The following HS6ST1 variants were observed in gnomAD, a reference collection of about 807,000 sequenced individuals.
The protein encoded by HS6ST1 is heparan-sulfate 6-O-sulfotransferase 1.
HS6ST1 carries 3 observed loss-of-function variants against 25.2 expected under a neutral mutation model. The observed-to-expected ratio is 0.12, with a 90% confidence interval of 0.05 to 0.31. The LOEUF (loss-of-function observed/expected upper bound fraction) is 0.31. Among genes scored for constraint, HS6ST1 ranks in the 10% least tolerant of loss-of-function variants. The pLI, the probability that HS6ST1 is intolerant of heterozygous loss-of-function variation, is 1.00. For missense variants in HS6ST1, 310 were observed against 609.6 expected (o/e 0.51, Z 5.18); for synonymous variants, 204 against 275.1 (o/e 0.74, Z 2.56).
chr2:128,270,973 CA>C (rs1206515192), intron 1 of HS6ST1, among the ~76,000 whole-genome samples: 6 of 152,226 alleles, frequency 3.9e-5, no homozygotes, highest in Admixed American at 3.9e-4. Flanking sequence ...TTCAGCGCCC[CA>C]GCCCACAGGC....
At chr2:128,314,040 C>CAATGT (rs1694328240) in intron 1 of HS6ST1, among the ~76,000 whole-genome samples, 1 of 152,056 alleles carries the variant, frequency 6.6e-6, no homozygotes, top group Non-Finnish European at 1.5e-5. Context: ...CCTCTCTAGG[C>CAATGT]AATGTAGGCA....
intron 1 of HS6ST1, among the ~76,000 whole-genome samples, chr2:128,300,441 G>C (rs1694107235): frequency 6.6e-6 from 1 of 152,184 alleles, no homozygotes; most frequent in Admixed American, 6.5e-5. Flanking sequence ...CCTGCACCTG[G>C]GCCACGTCAA....
At chr2:128,310,012 T>C (rs1694264510) in intron 1 of HS6ST1, among the ~76,000 whole-genome samples, 1 of 152,126 alleles carries the variant, frequency 6.6e-6, no homozygotes, top group Non-Finnish European at 1.5e-5. Context: ...ACCCCCCTTT[T>C]AGAGATGGGA....
chr2:128,309,411 C>A (rs1483296128), intron 1 of HS6ST1, among the ~76,000 whole-genome samples: 1 of 152,242 alleles, frequency 6.6e-6, no homozygotes, highest in Non-Finnish European at 1.5e-5. Context: ...TGAGCAGCGG[C>A]CTGGGCTGAC....
chr2:128,310,268 C>T (rs1313982616), intron 1 of HS6ST1, among the ~76,000 whole-genome samples: 4 of 152,322 alleles, frequency 2.6e-5, no homozygotes, highest in East Asian at 1.9e-4. Flanking sequence ...GAGGTGGCCC[C>T]GTGGAACTTG....
At chr2:128,299,357 C>T (rs1478742088) in intron 1 of HS6ST1, among the ~76,000 whole-genome samples, 1 of 152,260 alleles carries the variant, frequency 6.6e-6, no homozygotes, top group Admixed American at 6.5e-5. Context: ...CTGGCCGGCC[C>T]ACTCTTAGCA....
At chr2:128,300,403 T>C (rs1166760621) in intron 1 of HS6ST1, among the ~76,000 whole-genome samples, 1 of 152,144 alleles carries the variant, frequency 6.6e-6, no homozygotes, top group East Asian at 1.9e-4. Context: ...TGACCAGGTG[T>C]GGCTTCCACA....
intron 1 of HS6ST1, among the ~76,000 whole-genome samples, chr2:128,275,815 T>C (rs1693686246): frequency 6.6e-6 from 1 of 152,178 alleles, no homozygotes; most frequent in African/African-American, 2.4e-5. Flanking sequence ...TTCCCCAAGA[T>C]GTGGTCAGTC....
intron 1 of HS6ST1, among the ~76,000 whole-genome samples, chr2:128,282,908 C>A (rs2104918819): frequency 6.6e-6 from 1 of 152,334 alleles, no homozygotes; most frequent in African/African-American, 2.4e-5. Flanking sequence ...GCGGTGCTGA[C>A]CGCCCCACAT....
chr2:128,317,252 A>G (rs1420385922), intron 1 of HS6ST1, among the ~76,000 whole-genome samples: 1 of 152,180 alleles, frequency 6.6e-6, no homozygotes, highest in East Asian at 1.9e-4. Flanking sequence ...CAGCTCTGAC[A>G]TGGGGCTGGG....
chr2:128,309,528 A>G (rs537498930), intron 1 of HS6ST1, among the ~76,000 whole-genome samples: 53 of 152,352 alleles, frequency 3.5e-4, no homozygotes, highest in Admixed American at 2.9e-3. Flanking sequence ...GCCCCTGCCC[A>G]TGACCACCGG....
chr2:128,303,080 C>T (rs1027152873), intron 1 of HS6ST1, among the ~76,000 whole-genome samples: 1 of 152,282 alleles, frequency 6.6e-6, no homozygotes, highest in East Asian at 1.9e-4. Flanking sequence ...GACCTGCTGC[C>T]CATTCCCAGG....
Position 128,266,328 on chromosome 2 carries a change from A to C in HS6ST1, c.*1834T>G, listed in dbSNP as rs1292262963. 2 of 152,344 alleles carry C rather than the reference A, an allele frequency of 1.3e-5. No homozygotes were observed. The highest frequency in any genetic ancestry group is 3.9e-4 in the East Asian group (2 of 5,188). 9.4% of individuals were successfully genotyped at this position (152,344 alleles called of 1,614,324 possible). A position where few individuals can be genotyped will look rare whatever the true frequency, so the allele number is the denominator to read the frequency against. ...TCCCATTGACCCTGACCTCCCTTTG[A>C]AAGAACCACACCACTAAATCCCCTT... On this transcript the variant is annotated 3_prime_UTR_variant, in exon 2 of 2. Coordinates refer to ENST00000259241, the MANE Select transcript of HS6ST1 (RefSeq NM_004807.3).
intron 1 of HS6ST1, among the ~76,000 whole-genome samples, chr2:128,297,475 T>C (rs553297842): frequency 6.6e-6 from 1 of 152,330 alleles, no homozygotes; most frequent in Non-Finnish European, 1.5e-5. Flanking sequence ...ATCTCTTGAA[T>C]ATGACATCCA....
At chr2:128,302,995 G>A (rs756632841) in intron 1 of HS6ST1, among the ~76,000 whole-genome samples, 2 of 152,200 alleles carry the variant, frequency 1.3e-5, no homozygotes, top group Non-Finnish European at 2.9e-5. Context: ...CTCCCTGTGT[G>A]TTCCTCCAAA....
intron 1 of HS6ST1, among the ~76,000 whole-genome samples, chr2:128,306,593 C>G (rs1276519779): frequency 3.3e-5 from 5 of 152,242 alleles, no homozygotes; most frequent in Non-Finnish European, 7.3e-5. Flanking sequence ...AGCCCTGCAG[C>G]AGAAGGCGCT....
At chr2:128,315,956 G>A (rs1373048382) in intron 1 of HS6ST1, among the ~76,000 whole-genome samples, 3 of 152,238 alleles carry the variant, frequency 2.0e-5, no homozygotes, top group Non-Finnish European at 4.4e-5. Context: ...GTGGCAGAGG[G>A]GGCCTCCTGA....
rs1268980272 is a variant in HS6ST1 at position 128,266,322 on chromosome 2, C to T, written c.*1840G>A. The T allele has an allele frequency of 6.6e-6, 1 of 152,404 alleles. No homozygotes were observed. Among genetic ancestry groups the T allele is most frequent in the Non-Finnish European group, 1.5e-5 (1 of 68,146 alleles). 9.4% of individuals were successfully genotyped at this position (152,404 alleles called of 1,614,324 possible). On this transcript the variant is annotated 3_prime_UTR_variant, in exon 2 of 2. Transcript: ENST00000259241. Reference sequence around the variant, plus strand: ...GCAGATTCCCATTGACCCTGACCTCCCTTTGAAAGAACCACACCACTAAAT... The same window carrying T: ...GCAGATTCCCATTGACCCTGACCTCTCTTTGAAAGAACCACACCACTAAAT...
chr2:128,284,510 T>C (rs941020529), intron 1 of HS6ST1, among the ~76,000 whole-genome samples: 1 of 150,334 alleles, frequency 6.7e-6, no homozygotes, highest in African/African-American at 2.4e-5. Flanking sequence ...CCCTCTTTTT[T>C]TTTTTTTTTG....
Sources: gnomAD v4.1 joint callset for allele counts (sites outside exome capture counted in the v4.1 genomes callset) on GRCh38, gnomAD v4.1.1 for gene constraint, MANE v1.5 for transcripts, NCBI Gene and HGNC (gene_info 2026-07-23, HGNC 2026-07-21) for gene names.